NPEPL1: variants seen among roughly 807,000 people sequenced by gnomAD.
NPEPL1 encodes the protein probable aminopeptidase NPEPL1.
NPEPL1 carries 45 observed loss-of-function variants against 52.4 expected under a neutral mutation model. That is an observed-to-expected ratio of 0.86 (90% CI 0.68 to 1.10). The LOEUF (loss-of-function observed/expected upper bound fraction) is 1.10. Among genes scored for constraint, NPEPL1 ranks in the 50% least tolerant of loss-of-function variants. NPEPL1 has a pLI of 0.00. For synonymous variants in NPEPL1, 360 were observed against 314.7 expected, an observed-to-expected ratio of 1.14 and a Z score of -1.52; for missense variants, 696 against 710.9, an observed-to-expected ratio of 0.98 and a Z score of 0.24.
Position 58,712,502 on chromosome 20 carries a change from T to A in NPEPL1, c.924T>A (p.Ala308=). 1 of 1,613,506 alleles carries A rather than the reference T, an allele frequency of 6.2e-7. No homozygotes were observed. Among genetic ancestry groups the A allele is most frequent in the Non-Finnish European group, 8.5e-7 (1 of 1,179,696 alleles). The change falls in exon 8 of 12, where the codon GCT becomes GCA. Residue 308 remains alanine (A), a synonymous_variant. Transcript: ENST00000356091. ...AGGGTTTCAAAGACAACCTCCACGC[T>A]GTGTTCTGCTTGGCTGAGAACTCGG... ...IKQGFKDNLH[A]VFCLAENSVG...
intron 6 of NPEPL1, chr20:58,703,710 T>TAGTC (rs2084681626): frequency 3.0e-6 from 3 of 984,764 alleles, no homozygotes; most frequent in South Asian, 4.7e-5. Flanking sequence ...CCTGTGCAGT[T>TAGTC]AGTCAGCTCC....
upstream of NPEPL1, chr20:58,691,696 T>TTG: frequency 6.5e-6 from 1 of 154,996 alleles, no homozygotes; most frequent in South Asian, 6.1e-5. Context: ...TTCTTTTCTT[T>TTG]TTTTTTTTTT....
intron 10 of NPEPL1, 102 bp from the exon 11 acceptor site, chr20:58,714,458 C>G: frequency 1.2e-6 from 1 of 849,196 alleles, no homozygotes; most frequent in Non-Finnish European, 1.8e-6. Context: ...TCCCAGCCAC[C>G]CCGAGCTCCT....
rs529906364 is a variant in NPEPL1 at position 58,704,597 on chromosome 20, A to G, written c.823-2526A>G. 2.6e-5 allele frequency among the ~76,000 whole-genome samples: 4 copies of G among 152,362 alleles called. No individual in the cohort carries two copies. In the South Asian group the frequency reaches 8.3e-4, roughly 32 times the overall value. On this transcript the variant is annotated intron_variant, in intron 6 of 11. Coordinates refer to ENST00000356091, the MANE Select transcript of NPEPL1 (RefSeq NM_024663.4). ...TTTACTGAGAGAGTAGCATTGTTGT[A>G]CATTTTCACAAATCCTGTCAGTGTC...
In NPEPL1 at chr20:58,701,099, A is replaced by G; in HGVS notation, c.763A>G (p.Ile255Val). 2 of 1,593,380 alleles carry G rather than the reference A, an allele frequency of 1.3e-6. No homozygotes were observed. Among genetic ancestry groups the G allele is most frequent in the South Asian group, 1.1e-5 (1 of 87,228 alleles). Residue 255 changes from isoleucine to valine, a missense_variant, in exon 6 of 12, where the codon ATC becomes GTC. Coordinates refer to ENST00000356091, the MANE Select transcript of NPEPL1 (RefSeq NM_024663.4). ...SHTPDGATQTIAWVGKGIVYD... is the reference protein window; with the variant it reads ...SHTPDGATQTVAWVGKGIVYD... ...CACCCCAGATGGAGCCACGCAGACC[A>G]TCGCCTGGGTGGGCAAAGGCATCGT...
At chr20:58,691,688 CTTTTCTTTTTT>C (rs1269917713), upstream of NPEPL1, 23 of 697,108 alleles carry the variant, frequency 3.3e-5, no homozygotes, top group African/African-American at 5.8e-4. Flanking sequence ...TTCTTTTTTT[CTTTTCTTTTTT>C]TTTTTTTTTT....
intron 3 of NPEPL1, among the ~76,000 whole-genome samples, chr20:58,697,332 GCCT>G (rs1339774930): frequency 1.3e-5 from 2 of 152,242 alleles, no homozygotes; most frequent in Non-Finnish European, 2.9e-5. Context: ...GTGACACCTG[GCCT>G]CCTTGGAGGC....
intron 6 of NPEPL1, among the ~76,000 whole-genome samples, chr20:58,706,417 G>A (rs943464682): frequency 6.6e-6 from 1 of 152,212 alleles, no homozygotes; most frequent in Non-Finnish European, 1.5e-5. Flanking sequence ...AGAGAATGCT[G>A]AGCCTAAGTC....
intron 1 of NPEPL1, chr20:58,693,526 A>T: frequency 6.2e-6 from 3 of 484,322 alleles, no homozygotes; most frequent in Non-Finnish European, 1.1e-5. Flanking sequence ...TGGTGGCTTC[A>T]TCCCACCAGG....
At chr20:58,710,948 C>A (rs564108755) in intron 7 of NPEPL1, 159 of 152,442 alleles carry the variant, frequency 1.0e-3, no homozygotes, top group African/African-American at 3.7e-3. Context: ...AATATGGGTT[C>A]TCAGCTCTGC....
Position 58,698,708 on chromosome 20 carries a change from G to A in NPEPL1, c.532G>A (p.Val178Met), listed in dbSNP as rs373363596. 4.7e-5 allele frequency: 75 copies of A among 1,612,836 alleles called. No homozygotes were observed. The African/African-American group carries it at 7.9e-4, about 17-fold the overall frequency. ...GTGCTTAGCGAATGCCACAGACGGC[G>A]TGCGGCTAGCAGCCCGCATCGTGGA... is the stretch of plus-strand genomic sequence containing the variant. ...LQCLANATDGVRLAARIVDTP... is the reference protein window; with the variant it reads ...LQCLANATDGMRLAARIVDTP... Residue 178 changes from valine (V) to methionine (M), a missense_variant, in exon 4 of 12, where the codon GTG becomes ATG. Physicochemically the swap from Val to Met is conservative, Grantham distance 21. Transcript: ENST00000356091.
intron 7 of NPEPL1, among the ~76,000 whole-genome samples, chr20:58,708,890 G>T (rs1483831952): frequency 6.6e-6 from 1 of 151,890 alleles, no homozygotes; most frequent in African/African-American, 2.4e-5. Flanking sequence ...TGGTTCTGGA[G>T]GAGCCGTGTG....
At chr20:58,703,941 G>C in intron 6 of NPEPL1, 1 of 985,406 alleles carries the variant, frequency 1.0e-6, no homozygotes, top group Non-Finnish European at 1.2e-6. Flanking sequence ...ATACCAGGAA[G>C]AGCTGGGTGT....
At chr20:58,706,217 A>C (rs987734538) in intron 6 of NPEPL1, among the ~76,000 whole-genome samples, 3 of 152,114 alleles carry the variant, frequency 2.0e-5, no homozygotes, top group African/African-American at 7.2e-5. Flanking sequence ...GGAGGTGTGA[A>C]CTATTAACCA....
At chr20:58,715,050 T>G in intron 11 of NPEPL1, 118 bp from the exon 12 acceptor site, 1 of 1,157,900 alleles carries the variant, frequency 8.6e-7, no homozygotes, top group Non-Finnish European at 1.2e-6. Context: ...CAGGATCTCC[T>G]TCCTGAGAAG....
intron 7 of NPEPL1, among the ~76,000 whole-genome samples, chr20:58,710,031 G>GGTT (rs2084804629): frequency 8.9e-6 from 1 of 111,778 alleles, no homozygotes; most frequent in African/African-American, 5.2e-5. Context: ...ATTGTTTGTG[G>GGTT]CTTTTTTTTT....
At chr20:58,714,186 T>A in intron 10 of NPEPL1, 93 bp downstream of exon 10, 4 of 1,429,344 alleles carry the variant, frequency 2.8e-6, no homozygotes, top group East Asian at 2.7e-5. Context: ...CCCAGGGAGC[T>A]GGGGCCCCCC....
intron 10 of NPEPL1, 136 bp from the exon 11 acceptor site, chr20:58,714,421 GCTT>G: frequency 4.6e-6 from 3 of 647,230 alleles, no homozygotes; most frequent in South Asian, 4.0e-5. Context: ...TCCCAGCCCA[GCTT>G]CTGCTGCCTC....
At chr20:58,705,403 T>C in intron 6 of NPEPL1, 1 of 449,372 alleles carries the variant, frequency 2.2e-6, no homozygotes, top group Admixed American at 2.4e-5. Context: ...ATATGGAAAA[T>C]GTATTGTACC....
Sources: allele counts gnomAD v4.1 joint callset (sites outside exome capture counted in the v4.1 genomes callset), GRCh38; gene constraint gnomAD v4.1.1; transcripts MANE v1.5; gene names NCBI Gene and HGNC (gene_info 2026-07-23, HGNC 2026-07-21).